The following ARHGEF7 variants were observed in gnomAD, a reference collection of about 807,000 sequenced individuals.
The protein encoded by ARHGEF7 is PAK-interacting exchange factor beta.
Under a neutral mutation model 109.8 loss-of-function variants are expected in ARHGEF7, and 33 were observed. The ratio of observed to expected loss-of-function variants is 0.30; its 90% CI spans 0.23 to 0.40. ARHGEF7 has a LOEUF of 0.40. Among genes scored for constraint, ARHGEF7 ranks in the 10% least tolerant of loss-of-function variants. The probability of loss-of-function intolerance (pLI) is 1.00; values close to 1 mark genes in which losing one functional copy is unlikely to be tolerated. For missense variants in ARHGEF7, 938 were observed against 1,098.5 expected (o/e 0.85, Z 2.07); for synonymous variants, 458 against 424.6 (o/e 1.08, Z -0.97).
chr13:111,237,825 G>C (rs2087043741), intron 6 of ARHGEF7, among the ~76,000 whole-genome samples: 1 of 152,228 alleles, frequency 6.6e-6, no homozygotes, highest in Non-Finnish European at 1.5e-5. Flanking sequence ...AGTTGACATA[G>C]AAGATAGAAG....
intron 1 of ARHGEF7, among the ~76,000 whole-genome samples, chr13:111,129,059 A>C (rs1055500784): frequency 2.6e-5 from 4 of 152,342 alleles, no homozygotes; most frequent in African/African-American, 9.6e-5. Context: ...TTAGATCCTT[A>C]AAGACATAGA....
At chr13:111,208,662 G>A (rs757390664) in intron 3 of ARHGEF7, among the ~76,000 whole-genome samples, 7 of 152,116 alleles carry the variant, frequency 4.6e-5, no homozygotes, top group African/African-American at 1.4e-4. Context: ...CTTTTAGCTG[G>A]TTTTGTGCTG....
intron 8 of ARHGEF7, among the ~76,000 whole-genome samples, chr13:111,261,721 T>C (rs2091110048): frequency 2.6e-5 from 4 of 152,324 alleles, no homozygotes; most frequent in African/African-American, 9.6e-5. Flanking sequence ...GTCTTAAAAT[T>C]TTTTTAAAAA....
At chr13:111,267,102 G>C (rs549996922) in intron 8 of ARHGEF7, among the ~76,000 whole-genome samples, 3 of 152,382 alleles carry the variant, frequency 2.0e-5, no homozygotes, top group Non-Finnish European at 4.4e-5. Flanking sequence ...AGAGGCACCT[G>C]ATAGGTGGGC....
intron 8 of ARHGEF7, among the ~76,000 whole-genome samples, chr13:111,265,980 G>C (rs1212634579): frequency 1.3e-5 from 2 of 152,218 alleles, no homozygotes; most frequent in Non-Finnish European, 2.9e-5. Context: ...CAGCAGAGCA[G>C]AAGCAGTGTC....
At chr13:111,155,549 T>G (rs2076251711) in intron 2 of ARHGEF7, among the ~76,000 whole-genome samples, 1 of 152,262 alleles carries the variant, frequency 6.6e-6, no homozygotes, top group Non-Finnish European at 1.5e-5. Context: ...AGTCTTTCCC[T>G]GATACCCTTT....
At chr13:111,128,884 T>C (rs1341963633) in intron 1 of ARHGEF7, among the ~76,000 whole-genome samples, 1 of 152,236 alleles carries the variant, frequency 6.6e-6, no homozygotes, top group African/African-American at 2.4e-5. Context: ...TAAATGATTC[T>C]AAAGTGTCTA....
intron 1 of ARHGEF7, chr13:111,153,681 A>AAGGGGCAGAGAT (rs1198453165): frequency 8.0e-7 from 1 of 1,250,870 alleles, no homozygotes; most frequent in East Asian, 3.6e-5. Context: ...CTGGTGCGGG[A>AAGGGGCAGAGAT]AGGGGCAGAG....
chr13:111,279,550 C>G (rs2092674812), intron 13 of ARHGEF7, among the ~76,000 whole-genome samples: 1 of 152,246 alleles, frequency 6.6e-6, no homozygotes, highest in African/African-American at 2.4e-5. Context: ...GCCCAGACGC[C>G]CACTGCCTCT....
chr13:111,211,364 T>C (rs1185426523), intron 4 of ARHGEF7, among the ~76,000 whole-genome samples: 1 of 152,254 alleles, frequency 6.6e-6, no homozygotes, highest in Non-Finnish European at 1.5e-5. Flanking sequence ...TGTGATTTGC[T>C]GTCTCACCCG....
chr13:111,296,732 G>T (rs955243108), intron 19 of ARHGEF7, among the ~76,000 whole-genome samples: 4 of 152,180 alleles, frequency 2.6e-5, no homozygotes, highest in Non-Finnish European at 5.9e-5. Context: ...CAGAAATGCT[G>T]AATGAAAGTT....
Position 111,273,718 on chromosome 13 carries a change from G to C in ARHGEF7, c.1074-96G>C. 1 of 1,525,054 alleles carries C rather than the reference G, an allele frequency of 6.6e-7. No individual in the cohort carries two copies. The highest frequency in any genetic ancestry group is 9.0e-7 in the Non-Finnish European group (1 of 1,108,474). 94.5% of individuals were successfully genotyped at this position (1,525,054 alleles called of 1,614,324 possible). The stretch of plus-strand genomic sequence containing the variant: ...TCCAGATGTTAAAAGCAACACTTAT[G>C]TTTCATAAATTCTGGCTGTTGCTCA... On this transcript the variant is annotated intron_variant, in intron 9 of 21. Transcript: ENST00000646102. This position sits in a 1 kb window ranked among gnomAD's most constrained non-coding sequence, Gnocchi z 4.5.
intron 6 of ARHGEF7, among the ~76,000 whole-genome samples, chr13:111,243,661 A>G (rs1461363475): frequency 6.6e-6 from 1 of 152,238 alleles, no homozygotes; most frequent in Non-Finnish European, 1.5e-5. Flanking sequence ...TGGCAGTAAG[A>G]TAAAGTCAGT....
intron 5 of ARHGEF7, among the ~76,000 whole-genome samples, chr13:111,220,198 G>C (rs2083648869): frequency 6.6e-6 from 1 of 152,208 alleles, no homozygotes; most frequent in Non-Finnish European, 1.5e-5. Context: ...TGGCGCCAGT[G>C]GACTTTCCAG....
chr13:111,193,767 A>G (rs1162369120), intron 2 of ARHGEF7, among the ~76,000 whole-genome samples: 1 of 152,208 alleles, frequency 6.6e-6, no homozygotes, highest in East Asian at 1.9e-4. Context: ...TTCCATTGGT[A>G]TACAGGTTAA....
intron 2 of ARHGEF7, among the ~76,000 whole-genome samples, chr13:111,196,673 G>C (rs969523048): frequency 6.6e-6 from 1 of 152,048 alleles, no homozygotes; most frequent in African/African-American, 2.4e-5. Context: ...TTTCCTTCTG[G>C]GCAGGGGAGA....
chr13:111,198,585 T>G (rs1266565812), intron 2 of ARHGEF7, among the ~76,000 whole-genome samples: 1 of 151,372 alleles, frequency 6.6e-6, no homozygotes, highest in Non-Finnish European at 1.5e-5. Flanking sequence ...GTGTCCGGAG[T>G]TTTTTGTTCC....
intron 6 of ARHGEF7, among the ~76,000 whole-genome samples, chr13:111,241,529 TAA>T (rs904071413): frequency 1.3e-5 from 2 of 152,258 alleles, no homozygotes; most frequent in Non-Finnish European, 2.9e-5. Context: ...AAATAGTGTT[TAA>T]GACTATTTGT....
At chr13:111,149,195 A>T (rs904130987) in intron 1 of ARHGEF7, among the ~76,000 whole-genome samples, 2 of 152,064 alleles carry the variant, frequency 1.3e-5, no homozygotes, top group Non-Finnish European at 1.5e-5. Flanking sequence ...AGATTGCTTG[A>T]GCCCAGGAGT....
Sources: gnomAD v4.1 joint callset for allele counts (sites outside exome capture counted in the v4.1 genomes callset) on GRCh38, gnomAD v4.1.1 for gene constraint, Gnocchi (gnomAD v3.1) non-coding constraint, MANE v1.5 for transcripts, NCBI Gene and HGNC (gene_info 2026-07-23, HGNC 2026-07-21) for gene names.